Variants in EMX2 observed in about 807,000 individuals in gnomAD.
The protein encoded by EMX2 is homeobox protein EMX2.
A neutral mutation model predicts 23.0 loss-of-function variants in EMX2; 6 were observed. The observed-to-expected ratio is 0.26, with a 90% CI of 0.14 to 0.52. EMX2 has a LOEUF of 0.52. EMX2 is among the 20% of genes least tolerant of loss of function. The pLI is 0.97. For missense variants in EMX2, 302 were observed against 341.4 expected, an observed-to-expected ratio of 0.88 and a Z score of 0.91; for synonymous variants, 175 against 153.3, an observed-to-expected ratio of 1.14 and a Z score of -1.04.
Position 117,548,300 on chromosome 10 carries a change from A to G in EMX2, c.*68A>G, listed in dbSNP as rs896113286. ...AAGAGACAGGGAGAGGTGGAGAAGG[A>G]AAAAACCCTACAAAACAAAAACAAA... On this transcript the variant is annotated 3_prime_UTR_variant, in exon 3 of 3. Transcript: ENST00000553456. The G allele has an allele frequency of 1.3e-6, 2 of 1,579,872 alleles. No individual in the cohort carries two copies. The highest frequency in any genetic ancestry group is 3.6e-5 in the Admixed American group (2 of 54,932).
chr10:117,545,917 TC>T, intron 2 of EMX2, 101 bp downstream of exon 2: 1 of 1,488,672 alleles, frequency 6.7e-7, no homozygotes, highest in Non-Finnish European at 9.2e-7. Context: ...GTGAGGGCCT[TC>T]CGCACAGGTC....
intron 2 of EMX2, among the ~76,000 whole-genome samples, chr10:117,546,814 A>C (rs1846585085): frequency 6.6e-6 from 1 of 152,234 alleles, no homozygotes; most frequent in African/African-American, 2.4e-5. Flanking sequence ...CTCAATTAGC[A>C]AACTCAAAGC....
At chr10:117,543,891 C>T (rs546098470) in intron 1 of EMX2, among the ~76,000 whole-genome samples, 96 of 152,352 alleles carry the variant, frequency 6.3e-4, no homozygotes, top group African/African-American at 1.9e-3. Flanking sequence ...GCCTGCGGGC[C>T]GCTTGACCCT....
At position 117,548,314 on chromosome 10, in the gene EMX2, A is replaced by C; in HGVS notation, c.*82A>C. ...GGTGGAGAAGGAAAAAACCCTACAAAACAAAAACAAACCGCATACACGTTC... is the reference window on the plus strand; with the variant it reads ...GGTGGAGAAGGAAAAAACCCTACAACACAAAAACAAACCGCATACACGTTC... On this transcript the variant is annotated 3_prime_UTR_variant, in exon 3 of 3. Coordinates refer to ENST00000553456, the MANE Select transcript of EMX2 (RefSeq NM_004098.4). 7 of 1,536,944 alleles carry C rather than the reference A, an allele frequency of 4.6e-6. No homozygotes were observed. Among genetic ancestry groups the C allele is most frequent in the Non-Finnish European group, 6.2e-6 (7 of 1,136,888 alleles).
rs546549500 is a variant in EMX2 at position 117,545,929 on chromosome 10, C to T, written c.591+113C>T. ...TCTGTGAGGGCCTTCCGCACAGGTC[C>T]TGGTAGCTGGTTCCACGCCTGGGCT... On this transcript the variant is annotated intron_variant, in intron 2 of 2. Transcript: ENST00000553456. 2.8e-5 allele frequency: 40 copies of T among 1,430,778 alleles called. 1 individual carries two copies. In the South Asian group the frequency reaches 4.6e-4, roughly 17 times the overall value. 88.6% of individuals were successfully genotyped at this position (1,430,778 alleles called of 1,614,324 possible). A position where few individuals can be genotyped will look rare whatever the true frequency, so the allele number is the denominator to read the frequency against.
Position 117,545,888 on chromosome 10 carries a change from C to T in EMX2, c.591+72C>T, listed in dbSNP as rs1246637999. The T allele has an allele frequency of 1.9e-6, 3 of 1,598,780 alleles. No homozygotes were observed. The East Asian group carries it at 6.8e-5, about 36-fold the overall frequency. ...TCCCCAAAGCTGGCTCCCAAGCACACCCATGAGCACGGAGCTCTGTGAGGG... is the reference window on the plus strand; with the variant it reads ...TCCCCAAAGCTGGCTCCCAAGCACATCCATGAGCACGGAGCTCTGTGAGGG... On this transcript the variant is annotated intron_variant, in intron 2 of 2. Coordinates refer to ENST00000553456, the MANE Select transcript of EMX2 (RefSeq NM_004098.4).
intron 1 of EMX2, 33 bp from the exon 2 acceptor site, chr10:117,545,599 C>A (rs776683811): frequency 6.2e-7 from 1 of 1,612,980 alleles, no homozygotes; most frequent in Admixed American, 1.7e-5. Context: ...AGAGCAGCCC[C>A]CCCTAATGGG....
At chr10:117,544,774 G>A (rs1846551344) in intron 1 of EMX2, 1 of 150,636 alleles carries the variant, frequency 6.6e-6, no homozygotes, top group Non-Finnish European at 1.5e-5. Flanking sequence ...GTTTTTCTTT[G>A]TTTGGGTTTT....
intron 2 of EMX2, 40 bp downstream of exon 2, chr10:117,545,856 C>G: frequency 6.2e-7 from 1 of 1,612,562 alleles, no homozygotes; most frequent in African/African-American, 1.3e-5. Flanking sequence ...TCTAGGCGTG[C>G]GCCCCCTCCC....
chr10:117,546,779 C>T (rs2133970405), intron 2 of EMX2, among the ~76,000 whole-genome samples: 2 of 152,334 alleles, frequency 1.3e-5, no homozygotes, highest in East Asian at 3.9e-4. Flanking sequence ...GGGCCAGCGC[C>T]GGGGAGAAAT....
Position 117,543,149 on chromosome 10 carries a change from ACC to A in EMX2, c.-116_-115del. The stretch of plus-strand genomic sequence containing the variant: ...TTTCCTTCCCCCCACCCCCACCCCC[ACC>A]CCAAACAAACGAGTCCCCAATTCTC... On this transcript the variant is annotated 5_prime_UTR_variant, in exon 1 of 3. Coordinates refer to ENST00000553456, the MANE Select transcript of EMX2 (RefSeq NM_004098.4). The A allele has an allele frequency of 1.8e-5, 1 of 55,754 alleles. No individual in the cohort carries two copies. Among genetic ancestry groups the A allele is most frequent in the South Asian group, 2.5e-4 (1 of 4,066 alleles). The allele number at this position is 55,754 out of a possible 1,614,324, so 3.5% of individuals were successfully genotyped here.
chr10:117,547,296 G>A (rs1186880341), intron 2 of EMX2, among the ~76,000 whole-genome samples: 1 of 152,218 alleles, frequency 6.6e-6, no homozygotes, highest in Admixed American at 6.5e-5. Flanking sequence ...GGAGGGAAGA[G>A]GGGGCTTGCT....
Position 117,548,698 on chromosome 10 carries a change from C to A in EMX2, c.*466C>A. 2.4e-6 allele frequency: 1 copy of A among 414,472 alleles called. No individual in the cohort carries two copies. The allele number at this position is 414,472 out of a possible 1,614,324, so 25.7% of individuals were successfully genotyped here. On this transcript the variant is annotated 3_prime_UTR_variant, in exon 3 of 3. Transcript: ENST00000553456. ...AAAATGATGATGATGATAAAAACCA[C>A]GACCCAACCAGGCACAGGACTTTTT...
Position 117,543,444 on chromosome 10 carries a change from C to T in EMX2, c.177C>T (p.Ala59=). The T allele has an allele frequency of 3.7e-6, 6 of 1,606,634 alleles. No homozygotes were observed. The highest frequency in any genetic ancestry group is 5.1e-6 in the Non-Finnish European group (6 of 1,177,182). The part of the protein sequence containing the change: ...NGFHSAAAAA[A]GRGVYSNPDL... ...TCCACTCGGCCGCCGCCGCCGCCGC[C>T]GGTAGGGGCGTCTACTCCAACCCGG... The change falls in exon 1 of 3, where the codon GCC becomes GCT. Residue 59 remains alanine (A), a synonymous_variant. Coordinates refer to ENST00000553456, the MANE Select transcript of EMX2 (RefSeq NM_004098.4).
Position 117,543,415 on chromosome 10 carries a change from G to C in EMX2, c.148G>C (p.Gly50Arg), listed in dbSNP as rs760038502. 1.1e-5 allele frequency: 17 copies of C among 1,594,442 alleles called. No homozygotes were observed. In the East Asian group the frequency reaches 3.7e-4, roughly 35 times the overall value. The change falls in exon 1 of 3, where the codon GGC (glycine) becomes CGC (arginine). Residue 50 changes from glycine to arginine, a missense_variant. Around this residue, in one of 4 missense-constraint regions of EMX2, gnomAD observed 221 missense variants for 206.8 expected, o/e 1.07. Transcript: ENST00000553456. ...NSSPINPFLNGFHSAAAAAAG... is the reference protein window; with the variant it reads ...NSSPINPFLNRFHSAAAAAAG... ...CAGCCCCATAAATCCGTTCCTCAAC[G>C]GCTTCCACTCGGCCGCCGCCGCCGC...
At chr10:117,543,704 C>A (rs1461325181) in intron 1 of EMX2, 31 bp downstream of exon 1, 1 of 1,596,646 alleles carries the variant, frequency 6.3e-7, no homozygotes, top group Non-Finnish European at 8.6e-7. Flanking sequence ...CTGCAGCGCG[C>A]CGCTCCCGCC....
Position 117,543,172 on chromosome 10 carries a change from T to A in EMX2, c.-96T>A. The A allele has an allele frequency of 2.6e-6, 1 of 391,894 alleles. No individual in the cohort carries two copies. Among genetic ancestry groups the A allele is most frequent in the Non-Finnish European group, 3.6e-6 (1 of 279,058 alleles). 24.3% of individuals were successfully genotyped at this position (391,894 alleles called of 1,614,324 possible). A position where few individuals can be genotyped will look rare whatever the true frequency, so the allele number is the denominator to read the frequency against. On this transcript the variant is annotated 5_prime_UTR_variant, in exon 1 of 3. Transcript: ENST00000553456. ...CCACCCCAAACAAACGAGTCCCCAA[T>A]TCTCGTCCGTCCTCGCCGCGGGCAG...
At chr10:117,548,027 G>C in intron 2 of EMX2, 38 bp from the exon 3 acceptor site, 1 of 1,585,078 alleles carries the variant, frequency 6.3e-7, no homozygotes, top group Non-Finnish European at 8.6e-7. Flanking sequence ...AGGGTGCTCT[G>C]AAAGAACTAA....
Position 117,543,272 on chromosome 10 carries a change from T to A in EMX2, c.5T>A (p.Phe2Tyr), listed in dbSNP as rs1208277692. The stretch of plus-strand genomic sequence containing the variant: ...GCGCCCGCTCCTCGGCGCAGCATGT[T>A]CCAGCCGGCGCCCAAGCGCTGCTTC... M[F>Y]QPAPKRCFTI... Residue 2 changes from phenylalanine (F) to tyrosine (Y), a missense_variant, in exon 1 of 3, where the codon TTC becomes TAC. Physicochemically the swap from Phe to Tyr is conservative, Grantham distance 22. Coordinates refer to ENST00000553456, the MANE Select transcript of EMX2 (RefSeq NM_004098.4). 1.3e-6 allele frequency: 2 copies of A among 1,547,362 alleles called. No individual in the cohort carries two copies. Among genetic ancestry groups the A allele is most frequent in the Non-Finnish European group, 1.7e-6 (2 of 1,145,770 alleles).
Sources: allele counts gnomAD v4.1 joint callset (sites outside exome capture counted in the v4.1 genomes callset), GRCh38; gene constraint gnomAD v4.1.1; regional missense constraint gnomAD v4.1.1; transcripts MANE v1.5; gene names NCBI Gene and HGNC (gene_info 2026-07-23, HGNC 2026-07-21).